Variants in TM2D1 observed in about 807,000 individuals in gnomAD.
The protein encoded by TM2D1 is TM2 domain-containing protein 1.
TM2D1 carries 15 observed loss-of-function variants against 28.4 expected under a neutral mutation model. The observed-to-expected ratio is 0.53, with a 90% CI of 0.35 to 0.81. TM2D1 has a LOEUF of 0.81. TM2D1 is among the 40% of genes least tolerant of loss of function. The pLI, the probability that TM2D1 is intolerant of heterozygous loss-of-function variation, is 0.01. For synonymous variants in TM2D1, 93 were observed against 96.2 expected, an observed-to-expected ratio of 0.97 and a Z score of 0.20; for missense variants, 236 against 254.9, an observed-to-expected ratio of 0.93 and a Z score of 0.50.
intron 2 of TM2D1, among the ~76,000 whole-genome samples, 196 bp downstream of exon 2, chr1:61,723,517 A>C (rs994473172): frequency 6.6e-6 from 1 of 152,214 alleles, no homozygotes; most frequent in Non-Finnish European, 1.5e-5. Context: ...CCATTTCAGA[A>C]CAAGTAAGAT....
At chr1:61,724,018 C>T (rs921952775) in intron 1 of TM2D1, among the ~76,000 whole-genome samples, 19 of 152,218 alleles carry the variant, frequency 1.2e-4, no homozygotes, top group South Asian at 2.1e-4. Context: ...GGCAACATAA[C>T]GAGAAGTCTG....
At chr1:61,720,871 C>A (rs1557541488) in intron 2 of TM2D1, among the ~76,000 whole-genome samples, 1 of 152,030 alleles carries the variant, frequency 6.6e-6, no homozygotes, top group Non-Finnish European at 1.5e-5. Context: ...TCACTAGCCC[C>A]AAACTCCCCT....
chr1:61,688,573 AT>A (rs1401456442), intron 5 of TM2D1, among the ~76,000 whole-genome samples: 1 of 152,090 alleles, frequency 6.6e-6, no homozygotes, highest in Non-Finnish European at 1.5e-5. Context: ...AAATACAAAA[AT>A]CAGCTGGGCG....
At chr1:61,711,231 G>A (rs755548654) in intron 2 of TM2D1, among the ~76,000 whole-genome samples, 41 of 151,580 alleles carry the variant, frequency 2.7e-4, no homozygotes, top group South Asian at 6.3e-4. Flanking sequence ...ATGAGAGGCT[G>A]GGGCAGGAAA....
At chr1:61,691,933 A>ATATATATATATATATATATATATATATG (rs1644329650) in intron 5 of TM2D1, among the ~76,000 whole-genome samples, 1 of 83,026 alleles carries the variant, frequency 1.2e-5, no homozygotes, top group Non-Finnish European at 2.6e-5. Context: ...AAAAAAAAAA[A>ATATATATATATATATATATATATATATG]TATATATATA....
intron 2 of TM2D1, among the ~76,000 whole-genome samples, chr1:61,719,448 G>A (rs1644544959): frequency 1.3e-5 from 2 of 151,500 alleles, no homozygotes; most frequent in South Asian, 2.1e-4. Context: ...TTAACAATTG[G>A]TCAATCTGGG....
rs1644541757 is a variant in TM2D1 at position 61,719,033 on chromosome 1, A to T, written c.238+4680T>A. 2.0e-5 allele frequency among the ~76,000 whole-genome samples: 3 copies of T among 152,210 alleles called. No homozygotes were observed. In the South Asian group the frequency reaches 6.2e-4, roughly 31 times the overall value. ...AAGTTGGTAACTGAACTGCATGTTA[A>T]GAAAATATTTCTATTTTCATTTTTT... On this transcript the variant is annotated intron_variant, in intron 2 of 6. Transcript: ENST00000606498.
At chr1:61,711,908 C>CT (rs71050145) in intron 2 of TM2D1, among the ~76,000 whole-genome samples, 12,381 of 145,174 alleles carry the variant, frequency 0.085, 601 homozygotes, top group African/African-American at 0.14. Flanking sequence ...ATCACTAATT[C>CT]TTTTTTTTTT....
intron 4 of TM2D1, among the ~76,000 whole-genome samples, chr1:61,695,256 G>C (rs573621156): frequency 5.5e-4 from 83 of 151,554 alleles, no homozygotes; most frequent in African/African-American, 1.8e-3. Flanking sequence ...AATTTTATTA[G>C]CAATCCAATT....
At chr1:61,724,761 A>T in intron 1 of TM2D1, 196 bp downstream of exon 1, 1 of 523,958 alleles carries the variant, frequency 1.9e-6, no homozygotes, top group Non-Finnish European at 3.1e-6. Flanking sequence ...AATCATAAGG[A>T]AATCACAAAG....
At chr1:61,722,206 A>C (rs1644573126) in intron 2 of TM2D1, among the ~76,000 whole-genome samples, 1 of 152,028 alleles carries the variant, frequency 6.6e-6, no homozygotes, top group Non-Finnish European at 1.5e-5. Context: ...GGATCACTTG[A>C]TCCTGGGAGG....
chr1:61,713,502 A>C (rs1386279191), intron 2 of TM2D1, among the ~76,000 whole-genome samples: 1 of 151,770 alleles, frequency 6.6e-6, no homozygotes, highest in Non-Finnish European at 1.5e-5. Flanking sequence ...AAAAAAAAAA[A>C]AAAAAAAGGA....
chr1:61,685,208 A>C (rs1644276528), intron 5 of TM2D1, among the ~76,000 whole-genome samples: 1 of 152,242 alleles, frequency 6.6e-6, no homozygotes, highest in Non-Finnish European at 1.5e-5. Context: ...AAAAATTATA[A>C]TGGTTAGTGA....
intron 5 of TM2D1, chr1:61,683,764 A>C (rs1007255354): frequency 2.8e-5 from 9 of 319,198 alleles, no homozygotes; most frequent in South Asian, 4.6e-5. Context: ...TACAGGAACC[A>C]AGGACTGAAT....
intron 5 of TM2D1, among the ~76,000 whole-genome samples, chr1:61,685,502 ATACT>A (rs1460528424): frequency 6.6e-6 from 1 of 152,242 alleles, no homozygotes; most frequent in East Asian, 1.9e-4. Context: ...TATTCAACAA[ATACT>A]TAATTCCTGT....
At chr1:61,681,533 C>G (rs1179952518) in intron 6 of TM2D1, among the ~76,000 whole-genome samples, 183 bp from the exon 7 acceptor site, 2 of 152,230 alleles carry the variant, frequency 1.3e-5, no homozygotes, top group East Asian at 1.9e-4. Flanking sequence ...TCTCAATGGG[C>G]CTTTCAGGTT....
intron 4 of TM2D1, chr1:61,697,547 A>T (rs1203607195): frequency 1.1e-5 from 1 of 95,082 alleles, no homozygotes; most frequent in African/African-American, 2.8e-5. Flanking sequence ...TAAATGACAT[A>T]CATTAAAATG....
Position 61,709,349 on chromosome 1 carries a change from C to A in TM2D1, c.327G>T (p.Lys109Asn). The A allele has an allele frequency of 6.2e-7, 1 of 1,611,804 alleles. No homozygotes were observed. Among genetic ancestry groups the A allele is most frequent in the Non-Finnish European group, 8.5e-7 (1 of 1,178,418 alleles). Residue 109 changes from lysine (K) to asparagine (N), a missense_variant, in exon 3 of 7, where the codon AAG becomes AAT. Transcript: ENST00000606498. ...HFTGNEVGFF[K>N]PISCRNVNGY... ...CTTACACATTTCGGCAAGATATGGG[C>A]TTGAAAAAACCAACTTCGTTCCCAG...
intron 4 of TM2D1, chr1:61,697,989 G>A (rs911004411): frequency 2.0e-5 from 3 of 152,120 alleles, no homozygotes; most frequent in African/African-American, 7.2e-5. Flanking sequence ...AAAGTATCTA[G>A]ATTTTCTTAA....
Sources: allele counts gnomAD v4.1 joint callset (sites outside exome capture counted in the v4.1 genomes callset), GRCh38; gene constraint gnomAD v4.1.1; transcripts MANE v1.5; gene names NCBI Gene and HGNC (gene_info 2026-07-23, HGNC 2026-07-21).